Variants in EML4 observed in about 807,000 individuals in gnomAD.
The protein encoded by EML4 is EMAP like 4.
In EML4, 72 loss-of-function variants were observed where a neutral mutation model predicts 129.0. That is an observed-to-expected ratio of 0.56 (90% CI 0.46 to 0.68). The LOEUF is 0.68. EML4 is among the 30% of genes least tolerant of loss of function. The pLI, the probability that EML4 is intolerant of heterozygous loss-of-function variation, is 0.00. For synonymous variants in EML4, 532 were observed against 405.0 expected, an observed-to-expected ratio of 1.31 and a Z score of -3.77; for missense variants, 1,363 against 1,190.6, an observed-to-expected ratio of 1.14 and a Z score of -2.13.
At chr2:42,311,191 AAG>A (rs1668923362) in intron 17 of EML4, among the ~76,000 whole-genome samples, 1 of 152,204 alleles carries the variant, frequency 6.6e-6, no homozygotes. Flanking sequence ...GGAGTGTCCA[AAG>A]AGATAAAATT....
chr2:42,295,739 C>T (rs990826623), intron 13 of EML4, among the ~76,000 whole-genome samples: 1 of 152,016 alleles, frequency 6.6e-6, no homozygotes, highest in Admixed American at 6.6e-5. Context: ...CTGAACCATT[C>T]CCTTTAGGAA....
chr2:42,246,471 C>T (rs1271121550), intron 2 of EML4, among the ~76,000 whole-genome samples: 1 of 152,146 alleles, frequency 6.6e-6, no homozygotes, highest in African/African-American at 2.4e-5. Flanking sequence ...AATTATTAAC[C>T]TAGGGAGGAG....
intron 6 of EML4, among the ~76,000 whole-genome samples, chr2:42,279,461 CTT>C (rs752973076): frequency 1.1e-4 from 16 of 142,338 alleles, no homozygotes; most frequent in Non-Finnish European, 1.1e-4. Context: ...CACTTGCCGT[CTT>C]TTTTTTTTTT....
chr2:42,249,918 C>T (rs1675653999), intron 2 of EML4, among the ~76,000 whole-genome samples: 1 of 152,080 alleles, frequency 6.6e-6, no homozygotes, highest in South Asian at 2.1e-4. Context: ...AGCTGAATCC[C>T]TGCCAAAAGA....
chr2:42,306,300 A>T (rs1217431265), intron 17 of EML4, among the ~76,000 whole-genome samples: 2 of 152,160 alleles, frequency 1.3e-5, no homozygotes, highest in African/African-American at 4.8e-5. Context: ...ACCAAAAAAA[A>T]TGGTTAAGCA....
chr2:42,195,995 A>G (rs547534445), intron 1 of EML4, among the ~76,000 whole-genome samples: 9 of 152,302 alleles, frequency 5.9e-5, no homozygotes, highest in African/African-American at 2.2e-4. Context: ...AATATTGGTC[A>G]TACTTCTATA....
At chr2:42,172,720 C>T (rs1375311970) in intron 1 of EML4, among the ~76,000 whole-genome samples, 5 of 151,874 alleles carry the variant, frequency 3.3e-5, no homozygotes, top group Non-Finnish European at 7.4e-5. Flanking sequence ...TAAATCACTA[C>T]ATATAGATAC....
At position 42,303,028 on chromosome 2, in the gene EML4, A is replaced by C; in HGVS notation, c.1642-76A>C. 1.4e-6 allele frequency: 2 copies of C among 1,452,682 alleles called. 1 individual carries two copies. The highest frequency in any genetic ancestry group is 1.9e-6 in the Non-Finnish European group (2 of 1,058,188). 90.0% of individuals were successfully genotyped at this position (1,452,682 alleles called of 1,614,324 possible). A position where few individuals can be genotyped will look rare whatever the true frequency, so the allele number is the denominator to read the frequency against. ...TCATAATTACCTCATAATTGCTTACAGCTATAAATGCAGGCTTCGAGTAGT... is the reference window on the plus strand; with the variant it reads ...TCATAATTACCTCATAATTGCTTACCGCTATAAATGCAGGCTTCGAGTAGT... On this transcript the variant is annotated intron_variant, in intron 14 of 22. Coordinates refer to ENST00000318522, the MANE Select transcript of EML4 (RefSeq NM_019063.5).
In EML4 at chr2:42,315,946, T is replaced by A; in HGVS notation, c.1968-16T>A. ...GCTAATATCTGAAGAAAATTTTGAT[T>A]TTTACTTCTTAACAGGTGGTTTGTT... On this transcript the variant is annotated splice_polypyrimidine_tract_variant and intron_variant, in intron 17 of 22. Transcript: ENST00000318522. The A allele has an allele frequency of 6.3e-7, 1 of 1,585,710 alleles. No individual in the cohort carries two copies. The highest frequency in any genetic ancestry group is 8.6e-7 in the Non-Finnish European group (1 of 1,166,244).
intron 1 of EML4, among the ~76,000 whole-genome samples, chr2:42,232,188 G>A (rs1674389720): frequency 6.6e-6 from 1 of 152,136 alleles, no homozygotes; most frequent in Non-Finnish European, 1.5e-5. Context: ...ATTTCGATTT[G>A]AGAAGAAAGA....
intron 3 of EML4, among the ~76,000 whole-genome samples, chr2:42,257,440 C>G (rs988210613): frequency 6.6e-6 from 1 of 152,072 alleles, no homozygotes; most frequent in Admixed American, 6.6e-5. Context: ...TAAACTAATG[C>G]TAGTGACCGA....
At position 42,228,521 on chromosome 2, in the gene EML4, C is replaced by T. The variant is rs556478461; in HGVS notation, c.26-16984C>T. Among the ~76,000 whole-genome samples the T allele has an allele frequency of 8.5e-5, 13 of 152,300 alleles. No homozygotes were observed. The East Asian group carries it at 2.3e-3, about 27-fold the overall frequency. ...AATACTTATATCATTTGGAATATAG[C>T]TGTAGTCTTATAATTCAGAAGGTAT... is the stretch of plus-strand genomic sequence containing the variant. On this transcript the variant is annotated intron_variant, in intron 1 of 22. Transcript: ENST00000318522.
rs541717782 is a variant in EML4 at position 42,316,102 on chromosome 2, G to C, written c.2056+52G>C. ...AGCATGGCATTCACAGCACTTCACT[G>C]CAATTGCATAGTTTTACTTCTAATA... On this transcript the variant is annotated intron_variant, in intron 18 of 22. Transcript: ENST00000318522. The C allele has an allele frequency of 4.0e-4, 487 of 1,230,144 alleles. 1 individual carries two copies. Among genetic ancestry groups the C allele is most frequent in the Middle Eastern group, 1.5e-3 (8 of 5,326 alleles). The allele number at this position is 1,230,144 out of a possible 1,614,324, so 76.2% of individuals were successfully genotyped here.
intron 1 of EML4, among the ~76,000 whole-genome samples, chr2:42,231,574 G>A (rs1484406474): frequency 1.3e-5 from 2 of 152,078 alleles, no homozygotes; most frequent in Non-Finnish European, 2.9e-5. Context: ...TAGAAAAACA[G>A]GGATCTTCCT....
intron 6 of EML4, among the ~76,000 whole-genome samples, chr2:42,280,493 A>G (rs1186236656): frequency 6.6e-6 from 1 of 152,250 alleles, no homozygotes; most frequent in Non-Finnish European, 1.5e-5. Flanking sequence ...TATACTGAAT[A>G]TATGCAGACT....
chr2:42,269,479 CTG>C (rs1572661762), intron 6 of EML4, among the ~76,000 whole-genome samples: 1 of 152,242 alleles, frequency 6.6e-6, no homozygotes, highest in East Asian at 1.9e-4. Flanking sequence ...CAGTGTTGAA[CTG>C]TGTGGAACTT....
At chr2:42,200,581 C>T (rs1357150789) in intron 1 of EML4, among the ~76,000 whole-genome samples, 4 of 152,196 alleles carry the variant, frequency 2.6e-5, no homozygotes, top group African/African-American at 9.7e-5. Flanking sequence ...GGCTTGAACT[C>T]CCTTTCTCCA....
At chr2:42,211,799 G>A (rs1204510611) in intron 1 of EML4, among the ~76,000 whole-genome samples, 2 of 151,878 alleles carry the variant, frequency 1.3e-5, no homozygotes, top group Non-Finnish European at 2.9e-5. Flanking sequence ...GGCAGCAAAC[G>A]TAGTATTTTC....
At chr2:42,198,633 C>A (rs1672037260) in intron 1 of EML4, among the ~76,000 whole-genome samples, 1 of 152,112 alleles carries the variant, frequency 6.6e-6, no homozygotes, top group Non-Finnish European at 1.5e-5. Context: ...GCTATTTTCT[C>A]TTTGAAAGAG....
Sources: gnomAD v4.1 joint callset for allele counts (sites outside exome capture counted in the v4.1 genomes callset) on GRCh38, gnomAD v4.1.1 for gene constraint, MANE v1.5 for transcripts, NCBI Gene and HGNC (gene_info 2026-07-23, HGNC 2026-07-21) for gene names.